KCNN2: variants seen among roughly 807,000 people sequenced by gnomAD.
KCNN2 encodes the protein potassium calcium-activated channel subfamily N member 2.
A neutral mutation model predicts 55.5 loss-of-function variants in KCNN2; 24 were observed. The observed-to-expected ratio is 0.43, with a 90% CI of 0.31 to 0.61. The LOEUF is 0.61. Ranked by LOEUF, KCNN2 falls within the 20% of genes least tolerant of loss-of-function variation. The pLI is 0.08. For synonymous variants in KCNN2, 431 were observed against 336.1 expected (o/e 1.28, Z -3.09); for missense variants, 754 against 853.6 (o/e 0.88, Z 1.45).
intron 2 of KCNN2, among the ~76,000 whole-genome samples, chr5:114,286,722 G>A (rs1379615381): frequency 6.6e-6 from 1 of 152,156 alleles, no homozygotes; most frequent in Admixed American, 6.6e-5. Flanking sequence ...GTGAAATAAA[G>A]ATGACAATGA....
At chr5:114,336,285 A>G (rs1252795274) in intron 2 of KCNN2, among the ~76,000 whole-genome samples, 14 of 152,240 alleles carry the variant, frequency 9.2e-5, no homozygotes, top group Admixed American at 9.2e-4. Flanking sequence ...GGAAATTATT[A>G]TAAACATATG....
chr5:114,386,259 G>C (rs941877589), intron 2 of KCNN2, among the ~76,000 whole-genome samples: 1 of 151,766 alleles, frequency 6.6e-6, no homozygotes, highest in Non-Finnish European at 1.5e-5. Context: ...GAGAGCAGTG[G>C]AATCTTTTCA....
chr5:114,468,491 G>A (rs1269236142), intron 4 of KCNN2, among the ~76,000 whole-genome samples: 1 of 152,038 alleles, frequency 6.6e-6, no homozygotes, highest in East Asian at 1.9e-4. Flanking sequence ...ACATAAAAGC[G>A]TGATTTTTTT....
intron 2 of KCNN2, among the ~76,000 whole-genome samples, chr5:114,383,730 A>G (rs1246828376): frequency 6.6e-6 from 1 of 152,130 alleles, no homozygotes; most frequent in Non-Finnish European, 1.5e-5. Flanking sequence ...AGCCTCCCAA[A>G]GTGCTGGGAT....
At chr5:114,402,962 A>T (rs960456122) in intron 2 of KCNN2, among the ~76,000 whole-genome samples, 1 of 152,136 alleles carries the variant, frequency 6.6e-6, no homozygotes, top group Non-Finnish European at 1.5e-5. Flanking sequence ...AAAGGGCCTG[A>T]AAAAAAGAGA....
intron 2 of KCNN2, among the ~76,000 whole-genome samples, chr5:114,267,456 GGT>G (rs1233778048): frequency 6.6e-6 from 1 of 151,994 alleles, no homozygotes; most frequent in Non-Finnish European, 1.5e-5. Flanking sequence ...TCAGTTTGAG[GGT>G]GGGCAATATC....
chr5:114,459,367 G>C (rs1380842829), intron 3 of KCNN2, among the ~76,000 whole-genome samples: 1 of 152,174 alleles, frequency 6.6e-6, no homozygotes, highest in Non-Finnish European at 1.5e-5. Flanking sequence ...TCTCAGAATA[G>C]TTCTCCTTGT....
intron 1 of KCNN2, among the ~76,000 whole-genome samples, chr5:114,150,755 C>G (rs980614118): frequency 2.0e-5 from 3 of 152,200 alleles, no homozygotes; most frequent in Admixed American, 2.0e-4. Flanking sequence ...GGCACAGTGG[C>G]TTACACCTGG....
At chr5:114,128,915 T>C (rs996231146) in intron 1 of KCNN2, among the ~76,000 whole-genome samples, 1 of 152,228 alleles carries the variant, frequency 6.6e-6, no homozygotes, top group African/African-American at 2.4e-5. Context: ...CTGTGTAATT[T>C]TCTAGGTAAA....
At chr5:114,144,031 A>T (rs913942625) in intron 1 of KCNN2, among the ~76,000 whole-genome samples, 1 of 152,190 alleles carries the variant, frequency 6.6e-6, no homozygotes, top group Admixed American at 6.5e-5. Context: ...AACCCGTCAG[A>T]TATACTGTCT....
chr5:114,215,679 G>A (rs1753986705), intron 1 of KCNN2, among the ~76,000 whole-genome samples: 1 of 152,016 alleles, frequency 6.6e-6, no homozygotes, highest in Non-Finnish European at 1.5e-5. Context: ...ATTACTCCCT[G>A]GACACCTGCC....
Position 114,183,848 on chromosome 5 carries a change from AT to A in KCNN2, c.-270-37625del, listed in dbSNP as rs1309918742. On this transcript the variant is annotated intron_variant, in intron 1 of 10. Coordinates refer to the KCNN2 transcript ENST00000512097. ...CTGTTTGCTTGTTTTCTGTTTTATT[AT>A]TTTTTTCTGATTGTTGCTGTTTTCT... Among the ~76,000 whole-genome samples the A allele has an allele frequency of 2.1e-5, 3 of 145,472 alleles. No homozygotes were observed. In the East Asian group the frequency reaches 6.2e-4, roughly 30 times the overall value.
intron 2 of KCNN2, among the ~76,000 whole-genome samples, chr5:114,337,496 G>A (rs1322124606): frequency 1.3e-5 from 2 of 152,256 alleles, no homozygotes; most frequent in Admixed American, 6.5e-5. Flanking sequence ...TAAATATCAA[G>A]AGTACAAAGT....
chr5:114,214,237 T>C (rs11749011), intron 1 of KCNN2, among the ~76,000 whole-genome samples: 25,421 of 151,852 alleles, frequency 0.17, 2,285 homozygotes, highest in Middle Eastern at 0.21. Context: ...TATGTCATTG[T>C]AGCATGAAGA....
intron 2 of KCNN2, among the ~76,000 whole-genome samples, chr5:114,254,753 C>T (rs1242582721): frequency 6.6e-6 from 1 of 152,038 alleles, no homozygotes; most frequent in African/African-American, 2.4e-5. Context: ...ATTGCCTATG[C>T]TTATTCTTAT....
intron 2 of KCNN2, among the ~76,000 whole-genome samples, chr5:114,373,618 T>G (rs536499474): frequency 1.2e-5 from 1 of 83,454 alleles, no homozygotes; most frequent in Admixed American, 1.7e-4. Flanking sequence ...AGTACCTCTC[T>G]CATGGTGTTG....
chr5:114,184,626 C>A (rs1753296764), intron 1 of KCNN2, among the ~76,000 whole-genome samples: 1 of 152,002 alleles, frequency 6.6e-6, no homozygotes, highest in African/African-American at 2.4e-5. Flanking sequence ...AAAATATATG[C>A]TGATATTTTA....
intron 5 of KCNN2, among the ~76,000 whole-genome samples, chr5:114,485,687 CAG>C (rs898519821): frequency 6.6e-6 from 1 of 152,170 alleles, no homozygotes; most frequent in African/African-American, 2.4e-5. Flanking sequence ...TCTCCATGCA[CAG>C]AGTCTAATAG....
chr5:114,200,039 ATCTT>A (rs1413985120), intron 1 of KCNN2, among the ~76,000 whole-genome samples: 11 of 152,084 alleles, frequency 7.2e-5, no homozygotes, highest in African/African-American at 2.4e-4. Flanking sequence ...TGCCTCCTCT[ATCTT>A]GATGTCTAAC....
Sources: gnomAD v4.1 joint callset for allele counts (sites outside exome capture counted in the v4.1 genomes callset) on GRCh38, gnomAD v4.1.1 for gene constraint, MANE v1.5 for transcripts, NCBI Gene and HGNC (gene_info 2026-07-23, HGNC 2026-07-21) for gene names.